ITGB8: variants seen among roughly 807,000 people sequenced by gnomAD.
ITGB8 encodes integrin beta-8.
In ITGB8, 30 loss-of-function variants were observed where a neutral mutation model predicts 89.5. The ratio of observed to expected loss-of-function variants is 0.34; its 90% CI spans 0.25 to 0.45. ITGB8 has a LOEUF of 0.45. Among genes scored for constraint, ITGB8 ranks in the 20% least tolerant of loss-of-function variants. The pLI, the probability that ITGB8 is intolerant of heterozygous loss-of-function variation, is 1.00. For synonymous variants in ITGB8, 335 were observed against 320.4 expected (o/e 1.05, Z -0.49); for missense variants, 836 against 933.3 (o/e 0.90, Z 1.36).
chr7:20,405,918 A>G (rs1186109862), intron 11 of ITGB8, 144 bp from the exon 12 acceptor site: 2 of 567,450 alleles, frequency 3.5e-6, no homozygotes, highest in African/African-American at 1.9e-5. Context: ...CCTTCGATGT[A>G]ATGATGGAGT....
intron 7 of ITGB8, among the ~76,000 whole-genome samples, chr7:20,393,414 T>A (rs1032798980): frequency 6.6e-6 from 1 of 152,250 alleles, no homozygotes; most frequent in Admixed American, 6.5e-5. Flanking sequence ...AGATCTTTTT[T>A]ATCAATCACC....
At position 20,331,748 on chromosome 7, in the gene ITGB8, C is replaced by T; in HGVS notation, c.-59C>T. The T allele has an allele frequency of 1.9e-6, 3 of 1,551,112 alleles. No individual in the cohort carries two copies. The highest frequency in any genetic ancestry group is 1.4e-5 in the African/African-American group (1 of 72,888). On this transcript the variant is annotated 5_prime_UTR_variant, in exon 1 of 14. Coordinates refer to ENST00000222573, the MANE Select transcript of ITGB8 (RefSeq NM_002214.3). ...CGGGCCCCGAGGTGCGCCCGGGAGG[C>T]GCGAGCCCGCGTCCGGAAGGCAGTC...
Position 20,380,703 on chromosome 7 carries a change from A to C in ITGB8, c.673A>C (p.Ile225Leu), listed in dbSNP as rs200991047. ...NLDCMPPHGY[I>L]HVLSLTENIT... Reference sequence around the variant, plus strand: ...AGACTGCATGCCTCCCCATGGATACATCCATGTGCTGTCTTTGACAGAGAA... The same window carrying C: ...AGACTGCATGCCTCCCCATGGATACCTCCATGTGCTGTCTTTGACAGAGAA... Residue 225 changes from isoleucine to leucine, a missense_variant, in exon 5 of 14, where the codon ATC becomes CTC. By Grantham distance (5) the Ile-to-Leu change is conservative. Transcript: ENST00000222573. 70 of 1,613,488 alleles carry C rather than the reference A, an allele frequency of 4.3e-5. No homozygotes were observed. The highest frequency in any genetic ancestry group is 1.6e-4 in the Middle Eastern group (1 of 6,082).
intron 6 of ITGB8, among the ~76,000 whole-genome samples, chr7:20,387,369 T>C (rs1489596433): frequency 1.3e-5 from 2 of 152,190 alleles, no homozygotes; most frequent in Non-Finnish European, 2.9e-5. Flanking sequence ...AGTGAAGGCT[T>C]TACGAAGTTA....
chr7:20,380,959 T>TA, intron 5 of ITGB8, 128 bp downstream of exon 5: 1 of 753,312 alleles, frequency 1.3e-6, no homozygotes, highest in Non-Finnish European at 2.2e-6. Context: ...TACTATCTCT[T>TA]ACTCCTCACC....
At chr7:20,366,479 A>T (rs1480727330) in intron 2 of ITGB8, 1 of 152,276 alleles carries the variant, frequency 6.6e-6, no homozygotes, top group Non-Finnish European at 1.5e-5. Context: ...TAAAAAGCCA[A>T]CCAGGTCAGG....
intron 1 of ITGB8, among the ~76,000 whole-genome samples, chr7:20,358,171 T>C (rs180784152): frequency 7.2e-5 from 11 of 152,126 alleles, no homozygotes; most frequent in Admixed American, 7.2e-4. Context: ...TTCACTGTGA[T>C]ACCCACATGG....
chr7:20,394,776 G>A (rs1787003208), intron 7 of ITGB8, 120 bp from the exon 8 acceptor site: 3 of 697,076 alleles, frequency 4.3e-6, no homozygotes, highest in East Asian at 5.4e-5. Context: ...TGTCTTATAG[G>A]TTTTCATTCA....
chr7:20,409,454 T>A (rs1226343525), intron 12 of ITGB8, among the ~76,000 whole-genome samples, 161 bp from the exon 13 acceptor site: 2 of 152,226 alleles, frequency 1.3e-5, no homozygotes, highest in East Asian at 3.8e-4. Flanking sequence ...ATTAGAGAGC[T>A]TTTTGTTTTG....
intron 1 of ITGB8, among the ~76,000 whole-genome samples, chr7:20,360,232 A>C (rs902539477): frequency 2.6e-5 from 4 of 152,150 alleles, no homozygotes; most frequent in African/African-American, 9.7e-5. Flanking sequence ...TAGGAGCCTT[A>C]TCTGAGCTTG....
intron 8 of ITGB8, among the ~76,000 whole-genome samples, chr7:20,395,779 A>C (rs1787049461): frequency 6.6e-6 from 1 of 152,190 alleles, no homozygotes; most frequent in Non-Finnish European, 1.5e-5. Flanking sequence ...AGAAACCAAG[A>C]CTCAGGAAAG....
At chr7:20,353,296 G>A (rs1228057208) in intron 1 of ITGB8, 2 of 152,166 alleles carry the variant, frequency 1.3e-5, no homozygotes, top group Non-Finnish European at 2.9e-5. Context: ...TATGTAACAG[G>A]AGAAGTTGAA....
At position 20,402,090 on chromosome 7, in the gene ITGB8, T is replaced by G; in HGVS notation, c.1651T>G (p.Phe551Val). 1 of 1,613,776 alleles carries G rather than the reference T, an allele frequency of 6.2e-7. No homozygotes were observed. Among genetic ancestry groups the G allele is most frequent in the Non-Finnish European group, 8.5e-7 (1 of 1,179,804 alleles). The change falls in exon 10 of 14, where the codon TTT becomes GTT. Residue 551 changes from phenylalanine (F) to valine (V), a missense_variant. By Grantham distance (50) the Phe-to-Val change is conservative (BLOSUM62 -1). This residue lies in a region of ITGB8 where 422 missense variants were observed against 416.9 expected (regional missense o/e 1.01). Transcript: ENST00000222573. The stretch of plus-strand genomic sequence containing the variant: ...TGGAAAATACTGTGAAAAGGATGAC[T>G]TTTCTTGTCCATATCACCATGGAAA... ...VYGKYCEKDD[F>V]SCPYHHGNLC...
At chr7:20,341,173 T>C (rs962470545) in intron 1 of ITGB8, among the ~76,000 whole-genome samples, 2 of 152,216 alleles carry the variant, frequency 1.3e-5, no homozygotes, top group African/African-American at 4.8e-5. Flanking sequence ...TCCCAAGGTA[T>C]TGCTCCATTG....
chr7:20,349,920 G>A (rs376434848), intron 1 of ITGB8, among the ~76,000 whole-genome samples: 1 of 152,280 alleles, frequency 6.6e-6, no homozygotes, highest in Non-Finnish European at 1.5e-5. Context: ...CAGTGGATGA[G>A]TTTTGCCAGA....
intron 6 of ITGB8, among the ~76,000 whole-genome samples, chr7:20,385,215 A>G (rs749163574): frequency 2.1e-4 from 32 of 152,206 alleles, no homozygotes; most frequent in Non-Finnish European, 4.0e-4. Context: ...AGACCAAGGA[A>G]CAAGTATGTG....
intron 3 of ITGB8, among the ~76,000 whole-genome samples, chr7:20,367,809 TCA>T: frequency 6.6e-6 from 1 of 152,292 alleles, no homozygotes; most frequent in Non-Finnish European, 1.5e-5. Context: ...TCCCCTTCCT[TCA>T]CAGTGTATTT....
At chr7:20,360,363 C>CTTTTTTTT (rs1785453135) in intron 1 of ITGB8, among the ~76,000 whole-genome samples, 1 of 16,330 alleles carries the variant, frequency 6.1e-5, no homozygotes. Context: ...TTTTTTTTTA[C>CTTTTTTTT]TTGAGTAGCG....
In ITGB8 at chr7:20,369,251, GTC is replaced by G. The variant is rs569788390; in HGVS notation, c.388+2069_388+2070del. On this transcript the variant is annotated intron_variant, in intron 3 of 13. Coordinates refer to ENST00000222573, the MANE Select transcript of ITGB8 (RefSeq NM_002214.3). ...TAATAGAATAGAAAAATAATAAACA[GTC>G]TCTTAGTCTGTTTGGCTGCTATAAC... Among the ~76,000 whole-genome samples, 195 of 152,016 alleles carry G rather than the reference GTC, an allele frequency of 1.3e-3. 3 individuals are homozygous for G. The highest frequency in any genetic ancestry group is 4.1e-3 in the African/African-American group (171 of 41,438).
Sources: allele counts gnomAD v4.1 joint callset (sites outside exome capture counted in the v4.1 genomes callset), GRCh38; gene constraint gnomAD v4.1.1; regional missense constraint gnomAD v4.1.1; transcripts MANE v1.5; gene names NCBI Gene and HGNC (gene_info 2026-07-23, HGNC 2026-07-21).